XKR4: variants seen among roughly 807,000 people sequenced by gnomAD.
XKR4 encodes XK related 4.
XKR4 carries 12 observed loss-of-function variants against 53.9 expected under a neutral mutation model. The observed-to-expected ratio is 0.22, with a 90% CI of 0.14 to 0.36. XKR4 has a LOEUF of 0.36. Among genes scored for constraint, XKR4 ranks in the 10% least tolerant of loss-of-function variants. XKR4 has a pLI of 1.00. For missense variants in XKR4, 799 were observed against 859.5 expected (o/e 0.93, Z 0.88); for synonymous variants, 354 against 362.4 (o/e 0.98, Z 0.26).
chr8:55,354,254 C>T (rs989266286), intron 1 of XKR4, among the ~76,000 whole-genome samples: 3 of 152,124 alleles, frequency 2.0e-5, no homozygotes, highest in African/African-American at 7.2e-5. Context: ...GGAGGGTGTT[C>T]TCAATGATCC....
chr8:55,284,551 A>T (rs1011674124), intron 1 of XKR4, among the ~76,000 whole-genome samples: 2 of 152,168 alleles, frequency 1.3e-5, no homozygotes, highest in African/African-American at 4.8e-5. Flanking sequence ...CCACATGAGC[A>T]TCTCCATAGG....
chr8:55,513,379 A>G (rs922547145), intron 2 of XKR4, among the ~76,000 whole-genome samples: 2 of 152,144 alleles, frequency 1.3e-5, no homozygotes, highest in Non-Finnish European at 2.9e-5. Flanking sequence ...AGGAAGGAGA[A>G]CAGCTAAATT....
intron 2 of XKR4, among the ~76,000 whole-genome samples, chr8:55,365,794 T>A (rs1156323941): frequency 6.6e-6 from 1 of 151,362 alleles, no homozygotes; most frequent in African/African-American, 2.4e-5. Context: ...GTGATGCTCA[T>A]GAAATCAGGA....
chr8:55,471,791 C>T lies in XKR4; in HGVS notation c.1007-51490C>T, dbSNP rs549495416. ...TGAGTTCTGGGACCTTCCCCACCCC[C>T]TCTTGCTCCTGCTCTTGCAATGTGA... On this transcript the variant is annotated intron_variant, in intron 2 of 2. Coordinates refer to ENST00000327381, the MANE Select transcript of XKR4 (RefSeq NM_052898.2). 2.5e-3 allele frequency among the ~76,000 whole-genome samples: 384 copies of T among 152,194 alleles called. 2 individuals are homozygous for T. The highest frequency in any genetic ancestry group is 8.9e-3 in the African/African-American group (369 of 41,490).
At chr8:55,310,969 T>C (rs557971103) in intron 1 of XKR4, among the ~76,000 whole-genome samples, 11 of 152,314 alleles carry the variant, frequency 7.2e-5, no homozygotes, top group African/African-American at 2.4e-4. Context: ...ACCTGGGAAC[T>C]AGGGTGCTTA....
intron 2 of XKR4, among the ~76,000 whole-genome samples, chr8:55,484,401 A>G (rs183952824): frequency 2.0e-4 from 31 of 152,372 alleles, no homozygotes; most frequent in Non-Finnish European, 3.5e-4. Context: ...TCTCATGAAC[A>G]TAGATGCAAA....
At chr8:55,213,832 T>G (rs1817761774) in intron 1 of XKR4, among the ~76,000 whole-genome samples, 1 of 151,130 alleles carries the variant, frequency 6.6e-6, no homozygotes. Context: ...AGTTTACTAT[T>G]AATACTTCTT....
chr8:55,493,640 C>T (rs980161556), intron 2 of XKR4, among the ~76,000 whole-genome samples: 1 of 152,168 alleles, frequency 6.6e-6, no homozygotes, highest in African/African-American at 2.4e-5. Flanking sequence ...TTTGAAAAGC[C>T]TGACACATAG....
At chr8:55,172,491 C>G (rs1169791193) in intron 1 of XKR4, among the ~76,000 whole-genome samples, 1 of 152,118 alleles carries the variant, frequency 6.6e-6, no homozygotes, top group African/African-American at 2.4e-5. Flanking sequence ...TATGCATATA[C>G]ACACCCATAT....
chr8:55,135,760 C>T (rs989142061), intron 1 of XKR4: 14 of 388,604 alleles, frequency 3.6e-5, no homozygotes, highest in African/African-American at 1.0e-4. Flanking sequence ...CCCAGCAGGC[C>T]GGTGCACTCA....
At chr8:55,276,990 A>G (rs994863132) in intron 1 of XKR4, among the ~76,000 whole-genome samples, 4 of 152,232 alleles carry the variant, frequency 2.6e-5, no homozygotes, top group East Asian at 1.9e-4. Flanking sequence ...GATTAAACCT[A>G]TAAGGACTGG....
In XKR4 at chr8:55,474,789, C is replaced by G. The variant is rs142694136; in HGVS notation, c.1007-48492C>G. Among the ~76,000 whole-genome samples, 99 of 152,236 alleles carry G rather than the reference C, an allele frequency of 6.5e-4. 1 individual carries two copies. Among genetic ancestry groups the G allele is most frequent in the African/African-American group, 2.4e-3 (98 of 41,510 alleles). ...TGCTGGAGGAACCATGCACCCAATG[C>G]TTTATTCCCGTATCTCATTAGGTAA... On this transcript the variant is annotated intron_variant, in intron 2 of 2. Transcript: ENST00000327381.
intron 1 of XKR4, among the ~76,000 whole-genome samples, chr8:55,183,559 T>C (rs974100324): frequency 3.3e-5 from 5 of 152,142 alleles, no homozygotes; most frequent in Admixed American, 3.3e-4. Flanking sequence ...TATCTCTCTG[T>C]TACTGATTTA....
rs533607534 is a variant in XKR4, at chr8:55,457,146, C to CTTTTCTTTTTTTTTTTTTTTTT, written c.1007-66131_1007-66130insCTTTTTTTTTTTTTTTTTTTTT. On this transcript the variant is annotated intron_variant, in intron 2 of 2. Transcript: ENST00000327381. ...CAAGTGCTGAATTTTTTTTCCTTTT[C>CTTTTCTTTTTTTTTTTTTTTTT]TTTTTTTTTTTTTTGAGACTGAGTC... 7.3e-4 allele frequency among the ~76,000 whole-genome samples: 100 copies of CTTTTCTTTTTTTTTTTTTTTTT among 137,208 alleles called. 2 individuals are homozygous for CTTTTCTTTTTTTTTTTTTTTTT. The highest frequency in any genetic ancestry group is 1.7e-3 in the East Asian group (8 of 4,676). The allele number at this position is 137,208 out of a possible 152,430, so 90.0% of individuals were successfully genotyped here.
chr8:55,451,358 G>A (rs2975986), intron 2 of XKR4: 28 of 665,022 alleles, frequency 4.2e-5, no homozygotes, highest in Non-Finnish European at 6.7e-5. Context: ...CTGCCAATGT[G>A]ACTCCCCACG....
chr8:55,488,133 A>G (rs771136108), intron 2 of XKR4, among the ~76,000 whole-genome samples: 3 of 152,226 alleles, frequency 2.0e-5, no homozygotes, highest in African/African-American at 7.2e-5. Context: ...AGCAGATTGT[A>G]ACATGTAAAA....
intron 1 of XKR4, among the ~76,000 whole-genome samples, chr8:55,130,624 T>C (rs1340591080): frequency 2.6e-5 from 4 of 152,244 alleles, no homozygotes; most frequent in African/African-American, 9.6e-5. Context: ...TCTGTGCACC[T>C]GGTTCCTGGC....
chr8:55,529,225 A>G lies in XKR4; in HGVS notation c.*4998A>G, dbSNP rs953456171. 6 of 151,984 alleles carry G rather than the reference A, an allele frequency of 3.9e-5. No homozygotes were observed. The highest frequency in any genetic ancestry group is 1.5e-4 in the African/African-American group (6 of 41,342). 9.4% of individuals were successfully genotyped at this position (151,984 alleles called of 1,614,324 possible). On this transcript the variant is annotated 3_prime_UTR_variant, in exon 3 of 3. Coordinates refer to ENST00000327381, the MANE Select transcript of XKR4 (RefSeq NM_052898.2). Reference sequence around the variant, plus strand: ...GAGAGCCACATGGAAGAAGTGCCAAATAGCCATTTGCATTTATATATATAT... The same window carrying G: ...GAGAGCCACATGGAAGAAGTGCCAAGTAGCCATTTGCATTTATATATATAT...
intron 2 of XKR4, among the ~76,000 whole-genome samples, chr8:55,494,947 C>T (rs1357222678): frequency 6.6e-6 from 1 of 152,194 alleles, no homozygotes; most frequent in Non-Finnish European, 1.5e-5. Flanking sequence ...CACATGCCCA[C>T]TTCCACCCAG....
Sources: gnomAD v4.1 joint callset for allele counts (sites outside exome capture counted in the v4.1 genomes callset) on GRCh38, gnomAD v4.1.1 for gene constraint, MANE v1.5 for transcripts, NCBI Gene and HGNC (gene_info 2026-07-23, HGNC 2026-07-21) for gene names.